The following KHDRBS2 variants were observed in gnomAD, a reference collection of about 807,000 sequenced individuals.
KHDRBS2 encodes the protein KH domain-containing, RNA-binding, signal transduction-associated protein 2.
KHDRBS2 carries 26 observed loss-of-function variants against 44.3 expected under a neutral mutation model. The observed-to-expected ratio is 0.59, with a 90% CI of 0.43 to 0.81. The LOEUF is 0.81. KHDRBS2 is among the 40% of genes least tolerant of loss of function. The probability of loss-of-function intolerance (pLI) is 0.00; values close to 1 mark genes in which losing one functional copy is unlikely to be tolerated. For missense variants in KHDRBS2, 476 were observed against 433.1 expected (o/e 1.10, Z -0.88); for synonymous variants, 194 against 151.1 (o/e 1.28, Z -2.08).
chr6:61,576,772 A>C, the KHDRBS2 span, among the ~76,000 whole-genome samples: 2 of 152,150 alleles, frequency 1.3e-5, no homozygotes, highest in Admixed American at 1.3e-4. Flanking sequence ...CAAAGTCTAA[A>C]AATTTCATCA....
rs550298621 is a variant in KHDRBS2 at position 61,758,129 on chromosome 6, G to T, written c.811-25365C>A. Among the ~76,000 whole-genome samples, 97 of 152,120 alleles carry T rather than the reference G, an allele frequency of 6.4e-4. 1 individual carries two copies. The highest frequency in any genetic ancestry group is 2.2e-3 in the African/African-American group (92 of 41,526). Reference sequence around the variant, plus strand: ...AGGAAGTTTCCCAAGCTTTACCTGGGTTCCTCCTCACTATGTCATAGACTG... The same window carrying T: ...AGGAAGTTTCCCAAGCTTTACCTGGTTTCCTCCTCACTATGTCATAGACTG... On this transcript the variant is annotated intron_variant, in intron 6 of 8. Transcript: ENST00000281156.
intron 2 of KHDRBS2, among the ~76,000 whole-genome samples, chr6:62,087,679 C>T (rs922529260): frequency 6.6e-6 from 1 of 152,034 alleles, no homozygotes; most frequent in Non-Finnish European, 1.5e-5. Context: ...CTTGAGGTTG[C>T]ACTTTTTGAG....
downstream of KHDRBS2, chr6:61,679,939 T>C (rs371183276): frequency 6.6e-6 from 1 of 151,962 alleles, no homozygotes; most frequent in East Asian, 1.9e-4. Flanking sequence ...AATTTGTGTT[T>C]AGCAAGATAA....
chr6:62,243,273 A>C (rs888094076), intron 1 of KHDRBS2, among the ~76,000 whole-genome samples: 2 of 152,126 alleles, frequency 1.3e-5, no homozygotes, highest in Non-Finnish European at 2.9e-5. Flanking sequence ...CAGACAGTAA[A>C]CACTGAGTTT....
intron 6 of KHDRBS2, among the ~76,000 whole-genome samples, chr6:61,792,082 C>G (rs1784711515): frequency 6.6e-6 from 1 of 151,288 alleles, no homozygotes; most frequent in South Asian, 2.1e-4. Flanking sequence ...CCTTGTCTCT[C>G]TAGCTTACTG....
At chr6:62,076,732 C>T (rs779238916) in intron 2 of KHDRBS2, among the ~76,000 whole-genome samples, 2 of 151,876 alleles carry the variant, frequency 1.3e-5, no homozygotes, top group Non-Finnish European at 2.9e-5. Flanking sequence ...GGAAGGGATG[C>T]TCAATAGTAT....
rs555292870 is a variant in KHDRBS2 at position 61,778,272 on chromosome 6, T to C, written c.811-45508A>G. Among the ~76,000 whole-genome samples, 33 of 152,266 alleles carry C rather than the reference T, an allele frequency of 2.2e-4. No individual in the cohort carries two copies. In the South Asian group the frequency reaches 6.8e-3, roughly 32 times the overall value. On this transcript the variant is annotated intron_variant, in intron 6 of 8. Transcript: ENST00000281156. ...AACAGAGCCTCTGTCACTAAGACAT[T>C]TGGGTCAAGGTGGCACTGCCTTTTA...
At chr6:62,127,411 A>G (rs1482514952) in intron 2 of KHDRBS2, among the ~76,000 whole-genome samples, 2 of 152,162 alleles carry the variant, frequency 1.3e-5, no homozygotes, top group African/African-American at 4.8e-5. Context: ...AGCACTTGCG[A>G]GGCAAATGAA....
chr6:62,128,989 ATGTG>A (rs1009161235), intron 2 of KHDRBS2, among the ~76,000 whole-genome samples: 5 of 148,512 alleles, frequency 3.4e-5, no homozygotes, highest in South Asian at 2.1e-4. Context: ...GATAAATATA[ATGTG>A]TGTGACTATC....
intron 2 of KHDRBS2, among the ~76,000 whole-genome samples, chr6:62,098,587 G>A (rs1214193138): frequency 1.3e-5 from 2 of 151,902 alleles, no homozygotes; most frequent in African/African-American, 4.8e-5. Context: ...CTTTGTCTTC[G>A]ACCTTTGAGA....
intron 6 of KHDRBS2, among the ~76,000 whole-genome samples, chr6:61,770,387 C>T (rs572358234): frequency 3.3e-5 from 5 of 152,160 alleles, no homozygotes; most frequent in South Asian, 2.1e-4. Flanking sequence ...CAAACTACTC[C>T]GAGCTACAGG....
At chr6:62,232,234 C>G (rs1283402681) in intron 1 of KHDRBS2, among the ~76,000 whole-genome samples, 1 of 151,984 alleles carries the variant, frequency 6.6e-6, no homozygotes, top group Non-Finnish European at 1.5e-5. Flanking sequence ...ACTTATAAGC[C>G]CCATGAAGGA....
At chr6:62,187,534 G>T (rs1047159456) in intron 1 of KHDRBS2, among the ~76,000 whole-genome samples, 9 of 152,048 alleles carry the variant, frequency 5.9e-5, no homozygotes, top group African/African-American at 1.9e-4. Flanking sequence ...ACTAATGTAA[G>T]TTTATATACA....
At chr6:61,986,910 A>C (rs1775153233) in intron 3 of KHDRBS2, among the ~76,000 whole-genome samples, 1 of 152,204 alleles carries the variant, frequency 6.6e-6, no homozygotes, top group Non-Finnish European at 1.5e-5. Context: ...TCAGGGATCA[A>C]GGATTCAACA....
At chr6:62,258,041 G>C (rs1269128819) in intron 1 of KHDRBS2, among the ~76,000 whole-genome samples, 5 of 152,010 alleles carry the variant, frequency 3.3e-5, no homozygotes, top group Admixed American at 3.3e-4. Context: ...TGATGCCACA[G>C]ACCAGAATAC....
At chr6:62,207,805 T>C (rs1828270115) in intron 1 of KHDRBS2, among the ~76,000 whole-genome samples, 2 of 152,142 alleles carry the variant, frequency 1.3e-5, no homozygotes, top group African/African-American at 4.8e-5. Flanking sequence ...ATATTTGATG[T>C]TTACAATATG....
intron 6 of KHDRBS2, among the ~76,000 whole-genome samples, chr6:61,811,675 T>A (rs1788140745): frequency 6.6e-6 from 1 of 152,118 alleles, no homozygotes; most frequent in Non-Finnish European, 1.5e-5. Flanking sequence ...TTTCTTGATA[T>A]CTCAGCTTCA....
intron 2 of KHDRBS2, among the ~76,000 whole-genome samples, chr6:62,107,173 T>C (rs532009414): frequency 1.3e-5 from 2 of 152,018 alleles, no homozygotes; most frequent in African/African-American, 4.8e-5. Flanking sequence ...GCAGATGACA[T>C]GATTGTATAT....
At position 61,733,355 on chromosome 6, in the gene KHDRBS2, C is replaced by T. The variant is rs536208024; in HGVS notation, c.811-591G>A. Among the ~76,000 whole-genome samples the T allele has an allele frequency of 5.3e-5, 8 of 152,244 alleles. No individual in the cohort carries two copies. In the East Asian group the frequency reaches 1.6e-3, roughly 30 times the overall value. On this transcript the variant is annotated intron_variant, in intron 6 of 8. Transcript: ENST00000281156. Reference sequence around the variant, plus strand: ...CCTGTAATCCCAGCACTTTGCGTGGCCAAGGTGGGCAGATCAGCTGAGGTC... The same window carrying T: ...CCTGTAATCCCAGCACTTTGCGTGGTCAAGGTGGGCAGATCAGCTGAGGTC...
Sources: gnomAD v4.1 joint callset for allele counts (sites outside exome capture counted in the v4.1 genomes callset) on GRCh38, gnomAD v4.1.1 for gene constraint, MANE v1.5 for transcripts, NCBI Gene and HGNC (gene_info 2026-07-23, HGNC 2026-07-21) for gene names.